Variants in COG5 observed in about 807,000 individuals in gnomAD.
COG5 encodes component of oligomeric golgi complex 5.
In COG5, 86 loss-of-function variants were observed where a neutral mutation model predicts 110.4. The ratio of observed to expected loss-of-function variants is 0.78; its 90% CI spans 0.65 to 0.93. COG5 has a LOEUF of 0.93. Among genes scored for constraint, COG5 ranks in the 40% least tolerant of loss-of-function variants. The pLI is 0.00. For synonymous variants in COG5, 360 were observed against 334.6 expected, an observed-to-expected ratio of 1.08 and a Z score of -0.83; for missense variants, 1,077 against 987.0, an observed-to-expected ratio of 1.09 and a Z score of -1.22.
chr7:107,540,336 G>T (rs922581512), intron 5 of COG5, among the ~76,000 whole-genome samples: 1 of 151,912 alleles, frequency 6.6e-6, no homozygotes, highest in Non-Finnish European at 1.5e-5. Flanking sequence ...ATTTTGGGAG[G>T]CCAGGTAGGA....
chr7:107,251,391 G>C (rs565775379), intron 16 of COG5, among the ~76,000 whole-genome samples: 1 of 152,002 alleles, frequency 6.6e-6, no homozygotes, highest in African/African-American at 2.4e-5. Context: ...AAGCTCATCA[G>C]ATTTTAAATG....
chr7:107,292,526 T>C lies in COG5; in HGVS notation c.1313+5616A>G, dbSNP rs563539724. ...TAAAAGCTGAAAGAGCCCATGTCCT[T>C]ATACAAAGGTTGAGATATAACAAAA... is the stretch of plus-strand genomic sequence containing the variant. On this transcript the variant is annotated intron_variant, in intron 12 of 21. Coordinates refer to ENST00000297135, the MANE Select transcript of COG5 (RefSeq NM_006348.5). Among the ~76,000 whole-genome samples the C allele has an allele frequency of 5.9e-5, 9 of 152,300 alleles. No homozygotes were observed. The East Asian group carries it at 1.5e-3, about 26-fold the overall frequency.
intron 8 of COG5, among the ~76,000 whole-genome samples, chr7:107,365,596 C>CAAAAAAAAA (rs71134263): frequency 0.01 from 384 of 36,726 alleles, 6 homozygotes; most frequent in East Asian, 0.013. Context: ...TGCAAAATGA[C>CAAAAAAAAA]AAAAAAAAAA....
chr7:107,413,769 T>C (rs1792489837), intron 6 of COG5, among the ~76,000 whole-genome samples: 2 of 152,194 alleles, frequency 1.3e-5, no homozygotes, highest in Non-Finnish European at 2.9e-5. Flanking sequence ...ATGACTAACA[T>C]TTTTGAAGAT....
intron 6 of COG5, among the ~76,000 whole-genome samples, chr7:107,431,202 A>G (rs1249513167): frequency 6.6e-6 from 1 of 152,212 alleles, no homozygotes; most frequent in Non-Finnish European, 1.5e-5. Context: ...CAGCATCCCT[A>G]ATGAACTAAT....
At chr7:107,391,944 A>G (rs1790652960) in intron 7 of COG5, among the ~76,000 whole-genome samples, 1 of 152,190 alleles carries the variant, frequency 6.6e-6, no homozygotes, top group Non-Finnish European at 1.5e-5. Flanking sequence ...TACAAAAATT[A>G]GCTGGGCATG....
chr7:107,295,356 ATAGAAGC>A (rs1806655974), intron 12 of COG5, among the ~76,000 whole-genome samples: 1 of 151,778 alleles, frequency 6.6e-6, no homozygotes, highest in African/African-American at 2.4e-5. Context: ...TTACCTCCTC[ATAGAAGC>A]TTTCTCTGAC....
chr7:107,284,914 AC>A (rs1805499576), intron 12 of COG5, among the ~76,000 whole-genome samples: 1 of 152,152 alleles, frequency 6.6e-6, no homozygotes, highest in South Asian at 2.1e-4. Context: ...TAAAAAGTTA[AC>A]CTTTAAAACA....
At chr7:107,357,575 C>T (rs76617981) in intron 10 of COG5, among the ~76,000 whole-genome samples, 34 of 152,244 alleles carry the variant, frequency 2.2e-4, no homozygotes, top group African/African-American at 8.2e-4. Context: ...TTTTTAAGTA[C>T]ATGAAATAGG....
chr7:107,306,853 T>G (rs1807761168), intron 11 of COG5, among the ~76,000 whole-genome samples: 1 of 152,164 alleles, frequency 6.6e-6, no homozygotes, highest in African/African-American at 2.4e-5. Flanking sequence ...TTTCTAGTCT[T>G]CAACTTTGAC....
intron 3 of COG5, 34 bp downstream of exon 3, chr7:107,554,251 T>C (rs986797758): frequency 1.9e-6 from 3 of 1,594,386 alleles, no homozygotes; most frequent in Non-Finnish European, 2.6e-6. Context: ...CTGGTCTAGC[T>C]CTACATAATC....
intron 6 of COG5, among the ~76,000 whole-genome samples, chr7:107,421,775 A>C (rs1036578389): frequency 3.3e-5 from 5 of 152,120 alleles, no homozygotes; most frequent in African/African-American, 9.7e-5. Context: ...CAAAAAAAAA[A>C]AAAAATTGTT....
intron 6 of COG5, among the ~76,000 whole-genome samples, chr7:107,461,451 C>T (rs1440836317): frequency 1.3e-5 from 2 of 152,014 alleles, no homozygotes; most frequent in African/African-American, 4.8e-5. Context: ...TCCATAAAAA[C>T]CGTATACCTA....
intron 11 of COG5, among the ~76,000 whole-genome samples, chr7:107,318,226 C>T (rs1296126386): frequency 6.6e-6 from 1 of 152,072 alleles, no homozygotes. Flanking sequence ...CAGGGTTTCA[C>T]CATGTTGGCC....
At position 107,442,666 on chromosome 7, in the gene COG5, T is replaced by A. The variant is rs907891784; in HGVS notation, c.539-30034A>T. Among the ~76,000 whole-genome samples, 3 of 147,502 alleles carry A rather than the reference T, an allele frequency of 2.0e-5. No homozygotes were observed. In the East Asian group the frequency reaches 5.9e-4, roughly 29 times the overall value. On this transcript the variant is annotated intron_variant, in intron 6 of 21. Coordinates refer to ENST00000297135, the MANE Select transcript of COG5 (RefSeq NM_006348.5). ...CCTAAAAAAAAAAAAAAAAAGTCTA[T>A]ACGAGAAACTTGTAGCATGTAATCT...
chr7:107,347,831 T>A (rs942648005), intron 10 of COG5, among the ~76,000 whole-genome samples: 10 of 152,060 alleles, frequency 6.6e-5, no homozygotes, highest in African/African-American at 2.4e-4. Context: ...TAAGCAAGGA[T>A]AAAGGGCATC....
chr7:107,224,783 G>A (rs891444155), intron 19 of COG5, among the ~76,000 whole-genome samples: 4 of 152,228 alleles, frequency 2.6e-5, no homozygotes, highest in Admixed American at 1.3e-4. Flanking sequence ...GCTCTGACAC[G>A]TGGGTCTTGT....
chr7:107,344,134 T>G (rs1183448618), intron 10 of COG5, among the ~76,000 whole-genome samples: 1 of 152,174 alleles, frequency 6.6e-6, no homozygotes, highest in Non-Finnish European at 1.5e-5. Flanking sequence ...GGACTTCCGC[T>G]CTCTAACTAT....
chr7:107,557,867 G>C, intron 2 of COG5, 109 bp downstream of exon 2: 1 of 1,358,890 alleles, frequency 7.4e-7, no homozygotes, highest in Non-Finnish European at 1.0e-6. Context: ...ACACTGGTAA[G>C]TATGTACTTC....
Sources: allele counts gnomAD v4.1 joint callset (sites outside exome capture counted in the v4.1 genomes callset), GRCh38; gene constraint gnomAD v4.1.1; transcripts MANE v1.5; gene names NCBI Gene and HGNC (gene_info 2026-07-23, HGNC 2026-07-21).